Variants in DCAF10 observed in about 807,000 individuals in gnomAD.
The protein encoded by DCAF10 is DDB1 and CUL4 associated factor 10, also known as DDB1- and CUL4-associated factor 10.
A neutral mutation model predicts 51.9 loss-of-function variants in DCAF10; 19 were observed. The observed-to-expected ratio is 0.37, with a 90% CI of 0.26 to 0.54. DCAF10 has a LOEUF of 0.54. DCAF10 is among the 20% of genes least tolerant of loss of function. DCAF10 has a pLI of 0.87. For synonymous variants in DCAF10, 291 were observed against 297.1 expected (o/e 0.98, Z 0.21); for missense variants, 510 against 730.6 (o/e 0.70, Z 3.48).
In DCAF10 at chr9:37,800,796, CA is replaced by C; in HGVS notation, c.-70del. The C allele has an allele frequency of 1.3e-6, 2 of 1,512,560 alleles. No individual in the cohort carries two copies. Among genetic ancestry groups the C allele is most frequent in the Non-Finnish European group, 1.8e-6 (2 of 1,135,098 alleles). 93.7% of individuals were successfully genotyped at this position (1,512,560 alleles called of 1,614,324 possible). A position where few individuals can be genotyped will look rare whatever the true frequency, so the allele number is the denominator to read the frequency against. On this transcript the variant is annotated 5_prime_UTR_variant, in exon 1 of 7. Transcript: ENST00000377724. ...TTAGGCCGCTGCACGCCGGAAGTGG[CA>C]GCTGAACAGGGGCACTGAGGTGTCG...
At chr9:37,808,743 A>T (rs56110247) in intron 1 of DCAF10, among the ~76,000 whole-genome samples, 1 of 125,058 alleles carries the variant, frequency 8.0e-6, no homozygotes, top group Non-Finnish European at 1.6e-5. Flanking sequence ...AATATATAAA[A>T]ATACATACAT....
At chr9:37,826,447 A>T (rs1226392279) in intron 2 of DCAF10, among the ~76,000 whole-genome samples, 1 of 152,196 alleles carries the variant, frequency 6.6e-6, no homozygotes, top group East Asian at 1.9e-4. Context: ...TGGATGCTAT[A>T]GCCTTTCTGG....
intron 3 of DCAF10, among the ~76,000 whole-genome samples, chr9:37,852,959 T>TATAC (rs1554690226): frequency 0.011 from 932 of 82,238 alleles, 8 homozygotes; most frequent in Non-Finnish European, 0.02. Context: ...TATATATATA[T>TATAC]ATATATAAAT....
At chr9:37,837,819 G>A (rs1233996247) in intron 2 of DCAF10, among the ~76,000 whole-genome samples, 1 of 150,470 alleles carries the variant, frequency 6.6e-6, no homozygotes, top group Non-Finnish European at 1.5e-5. Context: ...AGGTATCAGT[G>A]TGTTGAATAC....
chr9:37,817,467 G>A (rs560500820), intron 1 of DCAF10, among the ~76,000 whole-genome samples: 3 of 152,128 alleles, frequency 2.0e-5, no homozygotes, highest in East Asian at 1.9e-4. Context: ...GTGTGGTGGC[G>A]GGTGCCTGTA....
At chr9:37,847,226 C>A (rs186052287) in intron 3 of DCAF10, among the ~76,000 whole-genome samples, 20 of 131,770 alleles carry the variant, frequency 1.5e-4, no homozygotes, top group Admixed American at 9.1e-4. Context: ...GCACCCCAGC[C>A]TGGGGCACAA....
At chr9:37,843,976 C>T (rs532186744) in intron 3 of DCAF10, among the ~76,000 whole-genome samples, 8 of 152,184 alleles carry the variant, frequency 5.3e-5, no homozygotes, top group African/African-American at 9.6e-5. Context: ...AACAATTATA[C>T]GTCAAAGACA....
chr9:37,825,917 C>T (rs1308181923), intron 2 of DCAF10, among the ~76,000 whole-genome samples: 1 of 152,044 alleles, frequency 6.6e-6, no homozygotes, highest in Non-Finnish European at 1.5e-5. Flanking sequence ...TGCCTGTAAT[C>T]CCAGCTACCC....
chr9:37,833,836 C>T (rs2117965914), intron 2 of DCAF10, among the ~76,000 whole-genome samples: 1 of 152,344 alleles, frequency 6.6e-6, no homozygotes, highest in East Asian at 1.9e-4. Context: ...TCTAACGCTA[C>T]ATTCTCTGCA....
chr9:37,823,624 AAAACT>A (rs1211577723), intron 2 of DCAF10, among the ~76,000 whole-genome samples: 1 of 152,136 alleles, frequency 6.6e-6, no homozygotes, highest in African/African-American at 2.4e-5. Flanking sequence ...AAACAAAATA[AAAACT>A]AAAACTCTAA....
intron 3 of DCAF10, 63 bp downstream of exon 3, chr9:37,842,349 C>T: frequency 6.8e-7 from 1 of 1,475,328 alleles, no homozygotes; most frequent in Non-Finnish European, 9.2e-7. Context: ...AGATGGTGAA[C>T]AAATTCAGTG....
At chr9:37,833,480 T>C (rs1167354794) in intron 2 of DCAF10, among the ~76,000 whole-genome samples, 3 of 152,232 alleles carry the variant, frequency 2.0e-5, no homozygotes, top group Non-Finnish European at 4.4e-5. Flanking sequence ...TTTAATTTTT[T>C]TTTAAGATAT....
chr9:37,801,481 G>A lies in DCAF10; in HGVS notation c.539+76G>A, dbSNP rs990783446. ...GCCAGCGGACGGCCGTCCTGGGCTCGCTCCCCGCGCCCGGGCCGAGGTTAG... is the reference window on the plus strand; with the variant it reads ...GCCAGCGGACGGCCGTCCTGGGCTCACTCCCCGCGCCCGGGCCGAGGTTAG... On this transcript the variant is annotated intron_variant, in intron 1 of 6. Coordinates refer to ENST00000377724, the MANE Select transcript of DCAF10 (RefSeq NM_024345.5). The surrounding 1 kb of genome is among the most constrained non-coding windows in gnomAD (Gnocchi z 5.5). 4 of 1,340,354 alleles carry A rather than the reference G, an allele frequency of 3.0e-6. No homozygotes were observed. The East Asian group carries it at 1.3e-4, about 42-fold the overall frequency. The allele number at this position is 1,340,354 out of a possible 1,614,324, so 83.0% of individuals were successfully genotyped here.
chr9:37,851,389 C>T (rs1046370413), intron 3 of DCAF10, among the ~76,000 whole-genome samples: 1 of 151,958 alleles, frequency 6.6e-6, no homozygotes, highest in African/African-American at 2.4e-5. Context: ...TTATGTTGCC[C>T]GTGTTGGTCT....
intron 2 of DCAF10, among the ~76,000 whole-genome samples, chr9:37,823,670 A>T (rs1660342556): frequency 6.6e-6 from 1 of 152,140 alleles, no homozygotes; most frequent in Non-Finnish European, 1.5e-5. Flanking sequence ...ATGTAATGCT[A>T]ATCACATATG....
Position 37,819,337 on chromosome 9 carries a change from C to G in DCAF10, c.589C>G (p.Pro197Ala), listed in dbSNP as rs1477368576. Reference protein sequence around the residue: ...CEQTEVLLFDPISSKHIKTLS... With the variant: ...CEQTEVLLFDAISSKHIKTLS... The stretch of plus-strand genomic sequence containing the variant: ...ACAAACTGAAGTTCTGCTTTTTGAC[C>G]CTATATCTTCAAAGCACATAAAAAC... Residue 197 changes from proline (P) to alanine (A), a missense_variant, in exon 2 of 7, where the codon CCT becomes GCT. By Grantham distance (27) the Pro-to-Ala change is conservative (BLOSUM62 -1). This residue lies in a region of DCAF10 where 126 missense variants were observed against 271.5 expected (regional missense o/e 0.46). Transcript: ENST00000377724. 6.2e-7 allele frequency: 1 copy of G among 1,613,626 alleles called. No homozygotes were observed. Among genetic ancestry groups the G allele is most frequent in the East Asian group, 2.2e-5 (1 of 44,816 alleles).
At chr9:37,832,269 C>A (rs1049219571) in intron 2 of DCAF10, 3 of 149,918 alleles carry the variant, frequency 2.0e-5, no homozygotes, top group African/African-American at 7.4e-5. Context: ...ACCATCCTGG[C>A]CAACAAGGTG....
intron 2 of DCAF10, among the ~76,000 whole-genome samples, chr9:37,820,045 CAGT>C (rs1479253958): frequency 6.6e-6 from 1 of 152,112 alleles, no homozygotes; most frequent in Non-Finnish European, 1.5e-5. Context: ...AAAATTCTAA[CAGT>C]AGTTAAAATG....
Position 37,861,592 on chromosome 9 carries a change from A to G in DCAF10, c.*84A>G, listed in dbSNP as rs1217317495. ...TTAGATGAAGTATTTTCTTTTTAGA[A>G]GATCTTATAAGTTTGGGTCAAGATC... On this transcript the variant is annotated 3_prime_UTR_variant, in exon 7 of 7. Coordinates refer to ENST00000377724, the MANE Select transcript of DCAF10 (RefSeq NM_024345.5). This position sits in a 1 kb window ranked among gnomAD's most constrained non-coding sequence, Gnocchi z 4.9. The G allele has an allele frequency of 2.6e-6, 4 of 1,515,736 alleles. No homozygotes were observed. The African/African-American group carries it at 5.6e-5, about 21-fold the overall frequency. The allele number at this position is 1,515,736 out of a possible 1,614,324, so 93.9% of individuals were successfully genotyped here.
Sources: gnomAD v4.1 joint callset for allele counts (sites outside exome capture counted in the v4.1 genomes callset) on GRCh38, gnomAD v4.1.1 for gene constraint, gnomAD v4.1.1 regional missense constraint, Gnocchi (gnomAD v3.1) non-coding constraint, MANE v1.5 for transcripts, NCBI Gene and HGNC (gene_info 2026-07-23, HGNC 2026-07-21) for gene names.